MCM5: variants seen among roughly 807,000 people sequenced by gnomAD.
MCM5 encodes the protein minichromosome maintenance complex component 5, also known as DNA replication licensing factor MCM5.
A neutral mutation model predicts 79.9 loss-of-function variants in MCM5; 46 were observed. That is an observed-to-expected ratio of 0.58 (90% CI 0.45 to 0.74). The LOEUF (loss-of-function observed/expected upper bound fraction) is 0.74. Ranked by LOEUF, MCM5 falls within the 30% of genes least tolerant of loss-of-function variation. The probability of loss-of-function intolerance (pLI) is 0.00; values close to 1 mark genes in which losing one functional copy is unlikely to be tolerated. For synonymous variants in MCM5, 404 were observed against 390.5 expected, an observed-to-expected ratio of 1.03 and a Z score of -0.41; for missense variants, 883 against 1,017.0, an observed-to-expected ratio of 0.87 and a Z score of 1.79.
the MCM5 span, among the ~76,000 whole-genome samples, chr22:35,436,081 C>T: frequency 6.7e-6 from 1 of 149,532 alleles, no homozygotes; most frequent in East Asian, 2.0e-4. Flanking sequence ...GCAGGAGAAT[C>T]GCTTGAACCT....
the MCM5 span, among the ~76,000 whole-genome samples, chr22:35,441,352 G>A: frequency 6.6e-6 from 1 of 152,152 alleles, no homozygotes; most frequent in African/African-American, 2.4e-5. Context: ...CTCAGCTCAG[G>A]GAGGACAATC....
At chr22:35,433,002 A>G in the MCM5 span, among the ~76,000 whole-genome samples, 1 of 152,130 alleles carries the variant, frequency 6.6e-6, no homozygotes, top group South Asian at 2.1e-4. Context: ...TAGTGCAGTC[A>G]TGGCCCATTG....
At chr22:35,453,799 G>GATAT in the MCM5 span, among the ~76,000 whole-genome samples, 741 of 91,098 alleles carry the variant, frequency 8.1e-3, 16 homozygotes, top group African/African-American at 0.025. Flanking sequence ...AGAGACAAAA[G>GATAT]ATATATATAT....
chr22:35,423,257 C>T lies in MCM5; in HGVS notation c.2019C>T (p.Ser673=), dbSNP rs144196110. Residue 673 remains serine, a synonymous_variant, in exon 16 of 17, where the codon AGC becomes AGT. Transcript: ENST00000216122. The part of the protein sequence containing the change: ...FTSQEDQEML[S]RIEKQLKRRF... ...GCCAGGAGGACCAGGAGATGCTGAG[C>T]CGCATCGAGAAGCAGCTCAAGCGCC... 5.3e-4 allele frequency: 844 copies of T among 1,605,292 alleles called. 2 individuals are homozygous for T. In the African/African-American group the frequency reaches 0.011, roughly 20 times the overall value.
chr22:35,419,881 C>A lies in MCM5; in HGVS notation c.1704-3C>A. 1 of 1,609,904 alleles carries A rather than the reference C, an allele frequency of 6.2e-7. No individual in the cohort carries two copies. Among genetic ancestry groups the A allele is most frequent in the Non-Finnish European group, 8.5e-7 (1 of 1,177,678 alleles). ...ACACCAGCCTCTCCCCACTGTCCTGCAGGAAGTGTGGCCCCCGGCTGTCAG... is the reference window on the plus strand; with the variant it reads ...ACACCAGCCTCTCCCCACTGTCCTGAAGGAAGTGTGGCCCCCGGCTGTCAG... On this transcript the variant is annotated splice_polypyrimidine_tract_variant and splice_region_variant and intron_variant, in intron 13 of 16. Transcript: ENST00000216122.
intron 15 of MCM5, 110 bp downstream of exon 15, chr22:35,421,570 T>A (rs781569978): frequency 1.4e-6 from 2 of 1,438,100 alleles, no homozygotes; most frequent in African/African-American, 2.8e-5. Context: ...CTTGCTTCTC[T>A]GAGTTTGCTG....
chr22:35,406,405 C>T (rs777481798), intron 4 of MCM5, 148 bp from the exon 5 acceptor site: 10 of 642,006 alleles, frequency 1.6e-5, no homozygotes, highest in Non-Finnish European at 2.6e-5. Context: ...GCTCTGGAAG[C>T]ATTTTTTGAG....
At chr22:35,436,178 A>G in the MCM5 span, among the ~76,000 whole-genome samples, 1 of 133,120 alleles carries the variant, frequency 7.5e-6, no homozygotes, top group Non-Finnish European at 1.7e-5. Context: ...AAAAAAAAAA[A>G]AAAAAGAAAA....
intron 5 of MCM5, among the ~76,000 whole-genome samples, 193 bp downstream of exon 5, chr22:35,406,918 C>A (rs747737344): frequency 8.5e-5 from 13 of 152,192 alleles, no homozygotes; most frequent in Non-Finnish European, 1.6e-4. Flanking sequence ...GGTCCCTCTA[C>A]ATTGGTGACT....
Position 35,403,352 on chromosome 22 carries a change from C to G in MCM5, c.294+19C>G, listed in dbSNP as rs713688. ...GCAGCTGGTGAGTGGGACCCCATCC[C>G]TGAGCTTCCCAGGGCTGCTCTGCCC... On this transcript the variant is annotated intron_variant, in intron 3 of 16. Coordinates refer to ENST00000216122, the MANE Select transcript of MCM5 (RefSeq NM_006739.4). 2.5e-6 allele frequency: 4 copies of G among 1,614,138 alleles called. No homozygotes were observed. The highest frequency in any genetic ancestry group is 4.5e-5 in the East Asian group (2 of 44,888).
At chr22:35,436,458 T>G in the MCM5 span, among the ~76,000 whole-genome samples, 1 of 152,176 alleles carries the variant, frequency 6.6e-6, no homozygotes, top group Non-Finnish European at 1.5e-5. Context: ...TGCAAGGCTT[T>G]ATTGAAAGCT....
At chr22:35,414,626 A>G (rs888624767) in intron 9 of MCM5, among the ~76,000 whole-genome samples, 32 of 151,026 alleles carry the variant, frequency 2.1e-4, no homozygotes, top group Admixed American at 1.7e-3. Context: ...TTCAAATAAT[A>G]ATAATAAATA....
chr22:35,416,509 A>ATC (rs1491265408), intron 11 of MCM5, 105 bp downstream of exon 11: 1 of 1,028,382 alleles, frequency 9.7e-7, no homozygotes, highest in Non-Finnish European at 1.4e-6. Context: ...CAGGCCTAGA[A>ATC]TCTGTGTGTG....
At chr22:35,421,677 C>T (rs1932699596) in intron 15 of MCM5, 4 of 642,152 alleles carry the variant, frequency 6.2e-6, no homozygotes, top group Non-Finnish European at 1.1e-5. Context: ...CTCTCCAGAC[C>T]CTTGAACACA....
chr22:35,450,270 C>A, the MCM5 span, among the ~76,000 whole-genome samples: 1 of 152,144 alleles, frequency 6.6e-6, no homozygotes, highest in Non-Finnish European at 1.5e-5. Context: ...CTCTGGGCGA[C>A]CTTATTCCAC....
chr22:35,407,541 T>A (rs1184620465), intron 5 of MCM5, among the ~76,000 whole-genome samples: 1 of 151,368 alleles, frequency 6.6e-6, no homozygotes, highest in East Asian at 1.9e-4. Context: ...CCTCACTGCC[T>A]CCTTCCTGTT....
In MCM5 at chr22:35,405,020, A is replaced by T. The variant is rs528958282; in HGVS notation, c.423+1478A>T. ...CTTAATAATTAGCAACTAGAGGCCA[A>T]TTTTTTTTTTTTTTTTTTTTTGAGA... is the stretch of plus-strand genomic sequence containing the variant. On this transcript the variant is annotated intron_variant, in intron 4 of 16. Transcript: ENST00000216122. Among the ~76,000 whole-genome samples, 60 of 114,336 alleles carry T rather than the reference A, an allele frequency of 5.2e-4. 1 individual carries two copies. In the South Asian group the frequency reaches 8.9e-3, roughly 17 times the overall value. The allele number at this position is 114,336 out of a possible 152,430, so 75.0% of individuals were successfully genotyped here. A position where few individuals can be genotyped will look rare whatever the true frequency, so the allele number is the denominator to read the frequency against.
intron 13 of MCM5, among the ~76,000 whole-genome samples, chr22:35,418,830 T>C (rs931258187): frequency 6.6e-6 from 1 of 152,200 alleles, no homozygotes; most frequent in African/African-American, 2.4e-5. Flanking sequence ...TATTATTCCC[T>C]TCCCTTTATG....
In MCM5 at chr22:35,423,333, A is replaced by T. The variant is rs1290967142; in HGVS notation, c.2095A>T (p.Thr699Ser). ...VSEHSIIKDF[T>S]KQKYPEHAIH... ...TGAGCACAGCATCATCAAGGACTTC[A>T]CCAAGCAGGTGAGCCTGCCTTGGAG... The change falls in exon 16 of 17, where the codon ACC becomes TCC. Residue 699 changes from threonine to serine, a missense_variant. Physicochemically the swap from Thr to Ser is moderately conservative, Grantham distance 58 (BLOSUM62 1). Transcript: ENST00000216122. The T allele has an allele frequency of 6.2e-7, 1 of 1,601,054 alleles. No homozygotes were observed. The highest frequency in any genetic ancestry group is 1.1e-5 in the South Asian group (1 of 89,816).
Sources: allele counts gnomAD v4.1 joint callset (sites outside exome capture counted in the v4.1 genomes callset), GRCh38; gene constraint gnomAD v4.1.1; transcripts MANE v1.5; gene names NCBI Gene and HGNC (gene_info 2026-07-23, HGNC 2026-07-21).